PKP4: variants seen among roughly 807,000 people sequenced by gnomAD.
PKP4 encodes plakophilin 4.
PKP4 carries 90 observed loss-of-function variants against 145.1 expected under a neutral mutation model. That is an observed-to-expected ratio of 0.62 (90% CI 0.52 to 0.74). The LOEUF is 0.74. Ranked by LOEUF, PKP4 falls within the 30% of genes least tolerant of loss-of-function variation. The pLI is 0.00. For missense variants in PKP4, 1,340 were observed against 1,482.7 expected, an observed-to-expected ratio of 0.90 and a Z score of 1.58; for synonymous variants, 563 against 577.2, an observed-to-expected ratio of 0.98 and a Z score of 0.35.
intron 11 of PKP4, among the ~76,000 whole-genome samples, chr2:158,654,607 C>T (rs1419029767): frequency 2.0e-5 from 3 of 152,112 alleles, no homozygotes; most frequent in Non-Finnish European, 2.9e-5. Flanking sequence ...CTCCTATCCC[C>T]GTAACTAAGA....
chr2:158,597,630 G>A (rs1023066803), intron 3 of PKP4, among the ~76,000 whole-genome samples: 5 of 152,146 alleles, frequency 3.3e-5, no homozygotes, highest in African/African-American at 1.2e-4. Context: ...TAGACAGTGG[G>A]ACACACCCAT....
chr2:158,529,492 C>T (rs1287414330), intron 1 of PKP4, among the ~76,000 whole-genome samples: 1 of 152,192 alleles, frequency 6.6e-6, no homozygotes, highest in Non-Finnish European at 1.5e-5. Flanking sequence ...CCTTTAACAC[C>T]CCACTCATCA....
At chr2:158,643,368 G>A (rs1464559360) in intron 11 of PKP4, among the ~76,000 whole-genome samples, 1 of 152,134 alleles carries the variant, frequency 6.6e-6, no homozygotes, top group Non-Finnish European at 1.5e-5. Flanking sequence ...CTCCGAAACA[G>A]CATGGGATAT....
intron 2 of PKP4, among the ~76,000 whole-genome samples, chr2:158,568,780 C>T (rs1361495195): frequency 2.0e-5 from 3 of 152,062 alleles, no homozygotes; most frequent in Admixed American, 1.3e-4. Context: ...TCACAACCAG[C>T]CTGGCCAACA....
Position 158,621,410 on chromosome 2 carries a change from A to G in PKP4, c.592A>G (p.Thr198Ala), listed in dbSNP as rs1348336060. The G allele has an allele frequency of 1.2e-6, 2 of 1,613,934 alleles. No homozygotes were observed. The highest frequency in any genetic ancestry group is 1.7e-6 in the Non-Finnish European group (2 of 1,179,820). ...GAGGAATTCAAGAGCTGAAGGACAA[A>G]CACTGGTTCAGGTAAGCCAAACGCA... ...VVRNSRAEGQ[T>A]LVQPSVANRA... The change falls in exon 6 of 22, where the codon ACA (threonine) becomes GCA (alanine). Residue 198 changes from threonine (T) to alanine (A), a missense_variant. Coordinates refer to ENST00000389759, the MANE Select transcript of PKP4 (RefSeq NM_003628.6).
chr2:158,539,007 G>C (rs1466214160), intron 2 of PKP4, among the ~76,000 whole-genome samples: 1 of 152,202 alleles, frequency 6.6e-6, no homozygotes, highest in East Asian at 1.9e-4. Context: ...TCTCAAGTTA[G>C]ATAGTGTATG....
chr2:158,610,093 T>TA (rs1268732663), intron 4 of PKP4, among the ~76,000 whole-genome samples: 2 of 152,224 alleles, frequency 1.3e-5, no homozygotes, highest in Non-Finnish European at 2.9e-5. Flanking sequence ...CCCTCTAGCT[T>TA]ACCAGTGTTA....
chr2:158,501,850 T>G (rs1253835160), intron 1 of PKP4, among the ~76,000 whole-genome samples: 3 of 152,246 alleles, frequency 2.0e-5, no homozygotes, highest in African/African-American at 7.2e-5. Flanking sequence ...TTTTCCTGTT[T>G]AAGGCAGGTG....
Position 158,533,305 on chromosome 2 carries a change from G to C in PKP4, c.121G>C (p.Val41Leu). 2 of 1,614,132 alleles carry C rather than the reference G, an allele frequency of 1.2e-6. No homozygotes were observed. The highest frequency in any genetic ancestry group is 1.7e-6 in the Non-Finnish European group (2 of 1,179,996). Residue 41 changes from valine (V) to leucine (L), a missense_variant, in exon 2 of 22, where the codon GTG becomes CTG. Physicochemically the swap from Val to Leu is conservative, Grantham distance 32. Transcript: ENST00000389759. ...CACAGCCACCACTATTCTAGCATCC[G>C]TGAAGGAGCAGGTACATCCTCGTAT... ...ETTATTILAS[V>L]KEQELQFQRL...
chr2:158,474,343 C>G (rs924990326), intron 1 of PKP4, among the ~76,000 whole-genome samples: 1 of 152,178 alleles, frequency 6.6e-6, no homozygotes, highest in Non-Finnish European at 1.5e-5. Flanking sequence ...GATATCACTT[C>G]TAAGACATTA....
At chr2:158,520,490 C>T (rs1041203633) in intron 1 of PKP4, among the ~76,000 whole-genome samples, 14 of 152,320 alleles carry the variant, frequency 9.2e-5, no homozygotes, top group African/African-American at 2.9e-4. Flanking sequence ...TTTATCATCA[C>T]TGAAATATTC....
intron 3 of PKP4, among the ~76,000 whole-genome samples, chr2:158,582,267 A>T (rs1489003538): frequency 6.6e-6 from 1 of 152,152 alleles, no homozygotes; most frequent in East Asian, 1.9e-4. Flanking sequence ...GTTATATTTC[A>T]CCTCATTGAA....
At chr2:158,482,080 G>A (rs143111810) in intron 1 of PKP4, among the ~76,000 whole-genome samples, 3 of 152,244 alleles carry the variant, frequency 2.0e-5, no homozygotes, top group Non-Finnish European at 4.4e-5. Flanking sequence ...ATATCCACTA[G>A]TCACATGTAG....
intron 1 of PKP4, among the ~76,000 whole-genome samples, chr2:158,485,550 A>G (rs1034110555): frequency 1.3e-5 from 2 of 152,236 alleles, no homozygotes; most frequent in African/African-American, 4.8e-5. Flanking sequence ...TTTAGAGCCC[A>G]TTACAAGCAC....
chr2:158,550,046 AT>A (rs2045456461), intron 2 of PKP4, among the ~76,000 whole-genome samples: 1 of 105,340 alleles, frequency 9.5e-6, no homozygotes. Context: ...GAAGATCAAA[AT>A]CTCACTCTCC....
intron 2 of PKP4, among the ~76,000 whole-genome samples, chr2:158,567,475 G>T (rs146243822): frequency 6.6e-6 from 1 of 152,190 alleles, no homozygotes; most frequent in Admixed American, 6.5e-5. Flanking sequence ...TGGGTAGAGC[G>T]TGGTGCGCAG....
chr2:158,495,556 C>G (rs1695574044), intron 1 of PKP4, among the ~76,000 whole-genome samples: 1 of 151,934 alleles, frequency 6.6e-6, no homozygotes, highest in Non-Finnish European at 1.5e-5. Context: ...AAAGGAGTGT[C>G]CGGGTGCCGT....
intron 15 of PKP4, among the ~76,000 whole-genome samples, chr2:158,665,541 A>G (rs1191263631): frequency 1.3e-5 from 2 of 152,180 alleles, no homozygotes; most frequent in East Asian, 1.9e-4. Flanking sequence ...GCAGGAAAGT[A>G]TATGTTTTAT....
At chr2:158,514,675 T>C (rs1339839534) in intron 1 of PKP4, among the ~76,000 whole-genome samples, 1 of 152,220 alleles carries the variant, frequency 6.6e-6, no homozygotes, top group Non-Finnish European at 1.5e-5. Flanking sequence ...GTGTGGTGGC[T>C]CACGCCTGTA....
Sources: allele counts gnomAD v4.1 joint callset (sites outside exome capture counted in the v4.1 genomes callset), GRCh38; gene constraint gnomAD v4.1.1; transcripts MANE v1.5; gene names NCBI Gene and HGNC (gene_info 2026-07-23, HGNC 2026-07-21).